Variants in CTNNB1 observed in about 807,000 individuals in gnomAD.
CTNNB1 encodes the protein catenin beta 1.
In CTNNB1, 6 loss-of-function variants were observed where a neutral mutation model predicts 82.5. The observed-to-expected ratio is 0.07, with a 90% CI of 0.04 to 0.14. The LOEUF (loss-of-function observed/expected upper bound fraction) is 0.14, where lower values mean the gene tolerates loss of function less well. Ranked by LOEUF, CTNNB1 falls within the 10% of genes least tolerant of loss-of-function variation. The pLI, the probability that CTNNB1 is intolerant of heterozygous loss-of-function variation, is 1.00. For synonymous variants in CTNNB1, 312 were observed against 329.7 expected, an observed-to-expected ratio of 0.95 and a Z score of 0.58; for missense variants, 529 against 980.4, an observed-to-expected ratio of 0.54 and a Z score of 6.15.
intron 1 of CTNNB1, chr3:41,221,088 G>A (rs1192559964): frequency 6.6e-6 from 1 of 152,210 alleles, no homozygotes; most frequent in African/African-American, 2.4e-5. Context: ...AAATACATGA[G>A]AAGTTGGCTA....
At chr3:41,236,108 G>C (rs944309668) in intron 11 of CTNNB1, 1 of 700,680 alleles carries the variant, frequency 1.4e-6, no homozygotes, top group Non-Finnish European at 2.4e-6. Context: ...CCAATTCTGG[G>C]TTTTCCAAAT....
At chr3:41,227,837 T>C (rs145581306) in intron 7 of CTNNB1, among the ~76,000 whole-genome samples, 217 of 152,246 alleles carry the variant, frequency 1.4e-3, no homozygotes, top group African/African-American at 4.9e-3. Flanking sequence ...ACCCAGGCAG[T>C]AAGTATTGTA....
chr3:41,205,416 A>C (rs1458399887), intron 1 of CTNNB1, among the ~76,000 whole-genome samples: 1 of 152,176 alleles, frequency 6.6e-6, no homozygotes, highest in African/African-American at 2.4e-5. Context: ...AGATTTTGAA[A>C]AGTGGGGTGG....
At position 41,204,924 on chromosome 3, in the gene CTNNB1, T is replaced by C. The variant is rs536439542; in HGVS notation, c.-49+5254T>C. On this transcript the variant is annotated intron_variant, in intron 1 of 14. Transcript: ENST00000349496. ...GCACTTGGGAAATGCCTTGTGTCAA[T>C]TGATTATAGATTAGGAGCTTAAAAG... is the stretch of plus-strand genomic sequence containing the variant. Among the ~76,000 whole-genome samples, 18 of 152,338 alleles carry C rather than the reference T, an allele frequency of 1.2e-4. No homozygotes were observed. The East Asian group carries it at 1.7e-3, about 15-fold the overall frequency.
chr3:41,233,312 AG>A, intron 7 of CTNNB1, 28 bp from the exon 8 acceptor site: 1 of 1,584,188 alleles, frequency 6.3e-7, no homozygotes, highest in Non-Finnish European at 8.7e-7. Flanking sequence ...GCTAATGACT[AG>A]GGCCTTATAT....
intron 12 of CTNNB1, 27 bp from the exon 13 acceptor site, chr3:41,236,560 CA>C (rs2078439285): frequency 6.2e-7 from 1 of 1,614,044 alleles, no homozygotes; most frequent in South Asian, 1.1e-5. Flanking sequence ...AGTTTTTCCT[CA>C]AGGGCCTTTT....
intron 7 of CTNNB1, among the ~76,000 whole-genome samples, chr3:41,229,494 T>G (rs1022258820): frequency 1.3e-5 from 2 of 152,202 alleles, no homozygotes; most frequent in Non-Finnish European, 1.5e-5. Flanking sequence ...CATTCTTGAT[T>G]TGGCTTGCAG....
At chr3:41,238,212 A>G (rs2078486907) in intron 14 of CTNNB1, 136 bp downstream of exon 14, 3 of 781,662 alleles carry the variant, frequency 3.8e-6, no homozygotes, top group Non-Finnish European at 6.8e-6. Flanking sequence ...CAGTTCTTAA[A>G]TTCCAGTCAG....
intron 10 of CTNNB1, 182 bp from the exon 11 acceptor site, chr3:41,235,542 A>G: frequency 1.4e-6 from 1 of 715,100 alleles, no homozygotes; most frequent in Admixed American, 2.1e-5. Context: ...GCTTTGAATT[A>G]GTGCTGCCAG....
rs1394698950 is a variant in CTNNB1 at position 41,233,736 on chromosome 3, A to G, written c.1393A>G (p.Ile465Val). The change falls in exon 9 of 15, where the codon ATC becomes GTC. Residue 465 changes from isoleucine (I) to valine (V), a missense_variant. Physicochemically the swap from Ile to Val is conservative, Grantham distance 29. Transcript: ENST00000349496. ...CAGGGAAGACATCACTGAGCCTGCC[A>G]TCTGTGCTCTTCGTCATCTGACCAG... The part of the protein sequence containing the change: ...GDREDITEPA[I>V]CALRHLTSRH... 6 of 1,613,980 alleles carry G rather than the reference A, an allele frequency of 3.7e-6. No individual in the cohort carries two copies. The highest frequency in any genetic ancestry group is 5.1e-6 in the Non-Finnish European group (6 of 1,180,018).
chr3:41,239,274 C>G lies in CTNNB1; in HGVS notation c.2278C>G (p.Gln760Glu), dbSNP rs980453294. 1 of 1,614,192 alleles carries G rather than the reference C, an allele frequency of 6.2e-7. No homozygotes were observed. Among genetic ancestry groups the G allele is most frequent in the Non-Finnish European group, 8.5e-7 (1 of 1,180,038 alleles). Residue 760 changes from glutamine (Q) to glutamate (E), a missense_variant, in exon 15 of 15, where the codon CAG becomes GAG. Transcript: ENST00000349496. ...VDGLPDLGHA[Q>E]DLMDGLPPGD... ...TGGGCTGCCAGATCTGGGGCATGCC[C>G]AGGACCTCATGGATGGGCTGCCTCC...
At chr3:41,231,550 G>T (rs1392998868) in intron 7 of CTNNB1, among the ~76,000 whole-genome samples, 1 of 152,096 alleles carries the variant, frequency 6.6e-6, no homozygotes, top group Non-Finnish European at 1.5e-5. Context: ...GAATACTTTG[G>T]TCAGTTTGGA....
intron 1 of CTNNB1, chr3:41,210,993 C>G (rs1044992966): frequency 2.2e-6 from 1 of 456,188 alleles, no homozygotes; most frequent in South Asian, 1.6e-5. Flanking sequence ...GGGTCTCACT[C>G]TGTTGCCAGG....
chr3:41,210,039 C>G (rs1049173023), intron 1 of CTNNB1, among the ~76,000 whole-genome samples: 8 of 152,298 alleles, frequency 5.3e-5, no homozygotes, highest in East Asian at 1.9e-4. Flanking sequence ...CGTTTTCACT[C>G]TTGTAATAAC....
chr3:41,204,483 G>A (rs1559453781), intron 1 of CTNNB1, among the ~76,000 whole-genome samples: 1 of 152,202 alleles, frequency 6.6e-6, no homozygotes, highest in Non-Finnish European at 1.5e-5. Flanking sequence ...CTACATTGTA[G>A]TGGGAATGGC....
intron 1 of CTNNB1, among the ~76,000 whole-genome samples, chr3:41,217,088 C>CT (rs1488150111): frequency 6.6e-6 from 1 of 152,188 alleles, no homozygotes; most frequent in African/African-American, 2.4e-5. Context: ...ATTCTCATCT[C>CT]TGTCTCTTCA....
At chr3:41,214,394 T>TAAA (rs11457773) in intron 1 of CTNNB1, among the ~76,000 whole-genome samples, 28 of 147,032 alleles carry the variant, frequency 1.9e-4, no homozygotes, top group South Asian at 8.7e-4. Flanking sequence ...TCTTTATAGT[T>TAAA]AAAAAAAAAA....
intron 7 of CTNNB1, among the ~76,000 whole-genome samples, chr3:41,229,136 A>G (rs1442858597): frequency 1.3e-5 from 2 of 152,088 alleles, no homozygotes; most frequent in South Asian, 4.1e-4. Context: ...AGTTGGGTAA[A>G]GTGATTCCTC....
intron 10 of CTNNB1, 35 bp downstream of exon 10, chr3:41,234,332 A>C: frequency 6.2e-7 from 1 of 1,609,788 alleles, no homozygotes; most frequent in South Asian, 1.1e-5. Context: ...CTGGCTATCT[A>C]AAAGGAATGC....
Sources: gnomAD v4.1 joint callset for allele counts (sites outside exome capture counted in the v4.1 genomes callset) on GRCh38, gnomAD v4.1.1 for gene constraint, MANE v1.5 for transcripts, NCBI Gene and HGNC (gene_info 2026-07-23, HGNC 2026-07-21) for gene names.